The following APBA1 variants were observed in gnomAD, a reference collection of about 807,000 sequenced individuals.
The protein encoded by APBA1 is amyloid beta precursor protein binding family A member 1.
In APBA1, 55 loss-of-function variants were observed where a neutral mutation model predicts 86.6. The observed-to-expected ratio is 0.64, with a 90% CI of 0.51 to 0.80. The LOEUF is 0.80. APBA1 is among the 30% of genes least tolerant of loss of function. The probability of loss-of-function intolerance (pLI) is 0.00; values close to 1 mark genes in which losing one functional copy is unlikely to be tolerated. For missense variants in APBA1, 1,090 were observed against 1,183.0 expected, an observed-to-expected ratio of 0.92 and a Z score of 1.15; for synonymous variants, 511 against 493.9, an observed-to-expected ratio of 1.03 and a Z score of -0.46.
chr9:69,561,786 T>G lies in APBA1; in HGVS notation c.-69-44507A>C, dbSNP rs4744915. On this transcript the variant is annotated intron_variant, in intron 1 of 12. Coordinates refer to ENST00000265381, the MANE Select transcript of APBA1 (RefSeq NM_001163.4). Reference sequence around the variant, plus strand: ...GCTGGGATTACAGGTGCACTGTGCCTGGCTAATTTTTGTATTTTTCAGTAG... The same window carrying G: ...GCTGGGATTACAGGTGCACTGTGCCGGGCTAATTTTTGTATTTTTCAGTAG... Among the ~76,000 whole-genome samples, 954 of 152,118 alleles carry G rather than the reference T, an allele frequency of 6.3e-3. 24 individuals are homozygous for G. Among genetic ancestry groups the G allele is most frequent in the Admixed American group, 0.045 (684 of 15,272 alleles).
At chr9:69,667,092 T>C (rs1346570037) in intron 1 of APBA1, among the ~76,000 whole-genome samples, 5 of 152,130 alleles carry the variant, frequency 3.3e-5, no homozygotes. Flanking sequence ...AACACTTACA[T>C]TTTTCCCCAT....
chr9:69,558,941 T>A (rs143350797), intron 1 of APBA1, among the ~76,000 whole-genome samples: 1 of 152,348 alleles, frequency 6.6e-6, no homozygotes, highest in Non-Finnish European at 1.5e-5. Context: ...CTTAGAAGGC[T>A]TTAACTCCAA....
intron 1 of APBA1, among the ~76,000 whole-genome samples, chr9:69,576,308 C>A (rs1490441521): frequency 1.3e-5 from 2 of 152,174 alleles, no homozygotes; most frequent in East Asian, 3.9e-4. Context: ...GGCGATTCCT[C>A]AGGATCTAGA....
At chr9:69,611,807 A>C (rs1312169189) in intron 1 of APBA1, among the ~76,000 whole-genome samples, 5 of 152,190 alleles carry the variant, frequency 3.3e-5, no homozygotes, top group Non-Finnish European at 1.5e-5. Context: ...AACCTGGCAT[A>C]GTTGGCCATA....
At chr9:69,452,739 A>G (rs967513182) in intron 8 of APBA1, among the ~76,000 whole-genome samples, 2 of 152,250 alleles carry the variant, frequency 1.3e-5, no homozygotes, top group South Asian at 2.1e-4. Flanking sequence ...TCTAATACAC[A>G]TCGAACATTT....
intron 2 of APBA1, among the ~76,000 whole-genome samples, chr9:69,504,654 G>C (rs1404377808): frequency 3.3e-5 from 5 of 152,166 alleles, no homozygotes; most frequent in Admixed American, 1.3e-4. Context: ...ACACTCATCT[G>C]TTGGGGACTA....
intron 1 of APBA1, among the ~76,000 whole-genome samples, chr9:69,522,910 C>G (rs1373717473): frequency 6.6e-6 from 1 of 151,848 alleles, no homozygotes; most frequent in Non-Finnish European, 1.5e-5. Context: ...CTGGAAGACA[C>G]ATGCAGAATA....
chr9:69,562,684 G>A (rs1836965309), intron 1 of APBA1, among the ~76,000 whole-genome samples: 1 of 151,782 alleles, frequency 6.6e-6, no homozygotes, highest in South Asian at 2.1e-4. Flanking sequence ...CTGTATTTCT[G>A]CTTTAATCAA....
chr9:69,517,491 C>A (rs1836186800), intron 1 of APBA1, among the ~76,000 whole-genome samples: 1 of 152,116 alleles, frequency 6.6e-6, no homozygotes, highest in Admixed American at 6.5e-5. Context: ...TGCTTATTGC[C>A]TTTCTCCGTT....
intron 1 of APBA1, among the ~76,000 whole-genome samples, chr9:69,670,497 A>G (rs1202511570): frequency 1.3e-5 from 2 of 152,190 alleles, no homozygotes; most frequent in African/African-American, 4.8e-5. Context: ...TAAGCTAGTC[A>G]TACAACATTT....
intron 1 of APBA1, among the ~76,000 whole-genome samples, chr9:69,525,133 T>C (rs890882980): frequency 3.9e-5 from 6 of 152,106 alleles, no homozygotes; most frequent in African/African-American, 1.4e-4. Flanking sequence ...TCATACTAAA[T>C]GGGCAAAAAC....
chr9:69,433,271 G>C (rs1834636910), intron 11 of APBA1, among the ~76,000 whole-genome samples: 1 of 152,232 alleles, frequency 6.6e-6, no homozygotes, highest in African/African-American at 2.4e-5. Flanking sequence ...AGGTACCACA[G>C]TGACCCGAGG....
At chr9:69,540,468 T>G (rs1347001778) in intron 1 of APBA1, among the ~76,000 whole-genome samples, 1 of 152,132 alleles carries the variant, frequency 6.6e-6, no homozygotes, top group Non-Finnish European at 1.5e-5. Flanking sequence ...GTATGATGGA[T>G]CTCTAGAATT....
At chr9:69,661,760 C>G (rs1046190686) in intron 1 of APBA1, among the ~76,000 whole-genome samples, 19 of 152,088 alleles carry the variant, frequency 1.2e-4, no homozygotes, top group Non-Finnish European at 2.6e-4. Context: ...GTTTCCTAGA[C>G]AGTGGATTGT....
At chr9:69,476,834 T>C (rs932873532) in intron 2 of APBA1, among the ~76,000 whole-genome samples, 12 of 152,178 alleles carry the variant, frequency 7.9e-5, no homozygotes, top group African/African-American at 2.7e-4. Context: ...GGGTGTGGTA[T>C]TGCCTGGGCT....
At chr9:69,511,373 A>C (rs79565363) in intron 2 of APBA1, among the ~76,000 whole-genome samples, 16,293 of 152,230 alleles carry the variant, frequency 0.11, 1,000 homozygotes, top group East Asian at 0.28. Flanking sequence ...CCACAATGAG[A>C]TACAATCTCA....
At chr9:69,620,897 C>T (rs1245002821) in intron 1 of APBA1, among the ~76,000 whole-genome samples, 1 of 152,152 alleles carries the variant, frequency 6.6e-6, no homozygotes, top group Non-Finnish European at 1.5e-5. Flanking sequence ...GACAGTGAAG[C>T]TCCAGAAATG....
At position 69,599,459 on chromosome 9, in the gene APBA1, A is replaced by G. The variant is rs143002626; in HGVS notation, c.-70+72694T>C. On this transcript the variant is annotated intron_variant, in intron 1 of 12. Transcript: ENST00000265381. ...AGGTGCTGTTCCTAACTGACTCACC[A>G]AACCAATTTCAAATTGTTCGGTAAA... Among the ~76,000 whole-genome samples, 365 of 152,336 alleles carry G rather than the reference A, an allele frequency of 2.4e-3. 2 individuals carry two copies. Among genetic ancestry groups the G allele is most frequent in the African/African-American group, 6.9e-3 (285 of 41,568 alleles).
chr9:69,607,378 G>GC (rs1169552943), intron 1 of APBA1, among the ~76,000 whole-genome samples: 4 of 152,088 alleles, frequency 2.6e-5, no homozygotes, highest in South Asian at 2.1e-4. Flanking sequence ...GGAAGGACCC[G>GC]CCCCCATGAT....
Sources: gnomAD v4.1 joint callset for allele counts (sites outside exome capture counted in the v4.1 genomes callset) on GRCh38, gnomAD v4.1.1 for gene constraint, MANE v1.5 for transcripts, NCBI Gene and HGNC (gene_info 2026-07-23, HGNC 2026-07-21) for gene names.